RARB: variants seen among roughly 807,000 people sequenced by gnomAD.
The protein encoded by RARB is HBV-activated protein.
Under a neutral mutation model 51.9 loss-of-function variants are expected in RARB, and 17 were observed. The observed-to-expected ratio is 0.33, with a 90% CI of 0.22 to 0.49. The LOEUF (loss-of-function observed/expected upper bound fraction) is 0.49, where lower values mean the gene tolerates loss of function less well. RARB is among the 20% of genes least tolerant of loss of function. The probability of loss-of-function intolerance (pLI) is 0.99; values close to 1 mark genes in which losing one functional copy is unlikely to be tolerated. For synonymous variants in RARB, 215 were observed against 195.4 expected, an observed-to-expected ratio of 1.10 and a Z score of -0.84; for missense variants, 369 against 550.8, an observed-to-expected ratio of 0.67 and a Z score of 3.30.
intron 1 of RARB, among the ~76,000 whole-genome samples, chr3:25,446,460 A>G (rs1348280381): frequency 6.6e-6 from 1 of 152,208 alleles, no homozygotes; most frequent in Non-Finnish European, 1.5e-5. Flanking sequence ...ACAAAGCCTA[A>G]AGTATTTCCT....
chr3:25,505,751 G>T (rs1697551175), intron 3 of RARB, among the ~76,000 whole-genome samples: 1 of 152,126 alleles, frequency 6.6e-6, no homozygotes, highest in Non-Finnish European at 1.5e-5. Flanking sequence ...GGCAAAGGAA[G>T]CAAACTGACT....
intron 2 of RARB, among the ~76,000 whole-genome samples, chr3:24,892,796 A>AC (rs1360451174): frequency 6.6e-6 from 1 of 152,186 alleles, no homozygotes; most frequent in Non-Finnish European, 1.5e-5. Context: ...CGGGAGACAT[A>AC]CCCCTCAAAC....
At chr3:24,945,265 G>GGA (rs1327705100) in intron 2 of RARB, among the ~76,000 whole-genome samples, 7 of 152,112 alleles carry the variant, frequency 4.6e-5, no homozygotes, top group Non-Finnish European at 1.0e-4. Context: ...TCAAGATTTG[G>GGA]GAGAGAGCCA....
chr3:24,976,470 C>G (rs144703739), intron 2 of RARB, among the ~76,000 whole-genome samples: 2 of 152,064 alleles, frequency 1.3e-5, no homozygotes, highest in Non-Finnish European at 2.9e-5. Flanking sequence ...TTCTAACTGC[C>G]GTGGGATGGT....
intron 5 of RARB, among the ~76,000 whole-genome samples, chr3:25,409,513 C>T (rs868037015): frequency 1.3e-5 from 2 of 152,134 alleles, no homozygotes; most frequent in South Asian, 4.1e-4. Flanking sequence ...TCTCCGGTCA[C>T]CTTGAATATT....
chr3:25,277,044 G>A (rs771465320), intron 5 of RARB, among the ~76,000 whole-genome samples: 1 of 152,118 alleles, frequency 6.6e-6, no homozygotes, highest in East Asian at 1.9e-4. Flanking sequence ...GGAATGAGGA[G>A]TATCTCTCTT....
At chr3:25,112,554 A>T (rs1699620296) in intron 3 of RARB, among the ~76,000 whole-genome samples, 1 of 152,170 alleles carries the variant, frequency 6.6e-6, no homozygotes, top group African/African-American at 2.4e-5. Flanking sequence ...AGGTGGGAAG[A>T]TCATTTGAGC....
intron 5 of RARB, among the ~76,000 whole-genome samples, chr3:25,310,356 C>T (rs1368011640): frequency 6.6e-6 from 1 of 152,178 alleles, no homozygotes; most frequent in Non-Finnish European, 1.5e-5. Context: ...GACTGACAGT[C>T]AGATTTCCTA....
At chr3:25,368,441 T>G (rs546206246) in intron 5 of RARB, among the ~76,000 whole-genome samples, 1 of 152,324 alleles carries the variant, frequency 6.6e-6, no homozygotes, top group African/African-American at 2.4e-5. Context: ...GTATATTCCA[T>G]ATACAGCATT....
chr3:25,175,817 T>G (rs755246665), intron 5 of RARB, among the ~76,000 whole-genome samples: 2 of 152,172 alleles, frequency 1.3e-5, no homozygotes, highest in Non-Finnish European at 2.9e-5. Flanking sequence ...TGGAATTGCC[T>G]AAAAACCTCC....
At chr3:24,880,004 T>TGC (rs3057214) in intron 2 of RARB, among the ~76,000 whole-genome samples, 111,390 of 151,720 alleles carry the variant, frequency 0.73, 41,956 homozygotes, top group African/African-American at 0.88. Flanking sequence ...GAGCCCCTAA[T>TGC]AGTCAAAGAC....
chr3:25,340,737 A>G (rs775627535), intron 5 of RARB, among the ~76,000 whole-genome samples: 1 of 152,198 alleles, frequency 6.6e-6, no homozygotes, highest in Non-Finnish European at 1.5e-5. Flanking sequence ...TGTCTGGAGA[A>G]CAAGAAGGAA....
At position 25,248,206 on chromosome 3, in the gene RARB, T is replaced by C. The variant is rs1254326258; in HGVS notation, c.178+73631T>C. 3.9e-5 allele frequency among the ~76,000 whole-genome samples: 6 copies of C among 152,318 alleles called. No individual in the cohort carries two copies. The East Asian group carries it at 1.2e-3, about 29-fold the overall frequency. The stretch of plus-strand genomic sequence containing the variant: ...TATAGCTACTCCTGCTCATTTGTGG[T>C]TTTCATATTCATCCAATATCTTTTT... On this transcript the variant is annotated intron_variant, in intron 5 of 11. Transcript: ENST00000383772.
intron 5 of RARB, among the ~76,000 whole-genome samples, chr3:25,219,187 A>G (rs1701893770): frequency 6.6e-6 from 1 of 152,108 alleles, no homozygotes; most frequent in East Asian, 1.9e-4. Context: ...AATAGATAAT[A>G]TCTGAAGTTT....
intron 2 of RARB, among the ~76,000 whole-genome samples, chr3:25,040,684 C>T (rs983551391): frequency 1.3e-5 from 2 of 152,078 alleles, no homozygotes; most frequent in African/African-American, 2.4e-5. Context: ...ACCTGGGAGG[C>T]GGAGATTGCA....
intron 2 of RARB, among the ~76,000 whole-genome samples, chr3:24,881,444 G>T (rs903066688): frequency 5.9e-5 from 9 of 152,174 alleles, no homozygotes; most frequent in African/African-American, 1.9e-4. Context: ...CAATTCAGAA[G>T]AGCTTTTTAA....
chr3:25,441,648 A>G (rs955202122), intron 1 of RARB: 2 of 152,346 alleles, frequency 1.3e-5, no homozygotes, highest in African/African-American at 4.8e-5. Context: ...CCGATATTTT[A>G]TGAATTTTTT....
chr3:25,527,310 C>T (rs558464201), intron 3 of RARB, among the ~76,000 whole-genome samples: 2 of 152,344 alleles, frequency 1.3e-5, no homozygotes, highest in South Asian at 2.1e-4. Context: ...TGTGAGCTGC[C>T]TTCTCATGTA....
At chr3:25,155,834 G>T (rs1700364815) in intron 4 of RARB, among the ~76,000 whole-genome samples, 1 of 152,200 alleles carries the variant, frequency 6.6e-6, no homozygotes, top group Non-Finnish European at 1.5e-5. Context: ...CATACCCCAT[G>T]CTGGCTCCTT....
Sources: allele counts gnomAD v4.1 joint callset (sites outside exome capture counted in the v4.1 genomes callset), GRCh38; gene constraint gnomAD v4.1.1; transcripts MANE v1.5; gene names NCBI Gene and HGNC (gene_info 2026-07-23, HGNC 2026-07-21).